UBE2QL1: variants seen among roughly 807,000 people sequenced by gnomAD.
UBE2QL1 encodes ubiquitin-conjugating enzyme E2Q-like protein 1.
In UBE2QL1, 5 loss-of-function variants were observed where a neutral mutation model predicts 12.6. The observed-to-expected ratio is 0.40, with a 90% CI of 0.21 to 0.83. UBE2QL1 has a LOEUF of 0.83. UBE2QL1 is among the 40% of genes least tolerant of loss of function. The probability of loss-of-function intolerance (pLI) is 0.37; values close to 1 mark genes in which losing one functional copy is unlikely to be tolerated. For synonymous variants in UBE2QL1, 96 were observed against 94.5 expected (o/e 1.02, Z -0.10); for missense variants, 99 against 222.6 (o/e 0.44, Z 3.53).
intron 1 of UBE2QL1, among the ~76,000 whole-genome samples, chr5:6,480,400 C>T (rs1734335204): frequency 6.6e-6 from 1 of 152,218 alleles, no homozygotes; most frequent in South Asian, 2.1e-4. Context: ...GCTCAGACAG[C>T]CCTCGACACA....
intron 1 of UBE2QL1, among the ~76,000 whole-genome samples, chr5:6,455,784 A>C (rs1739507825): frequency 6.6e-6 from 1 of 151,836 alleles, no homozygotes; most frequent in Non-Finnish European, 1.5e-5. Flanking sequence ...CACAGCCCAG[A>C]GCTTCAGAAG....
chr5:6,492,359 C>G lies in UBE2QL1; in HGVS notation c.*1010C>G, dbSNP rs1734591080. ...TCGGGTCTATTTCACCCAATAGTCA[C>G]TTGTGTGTCCCCCGAAATTGGGATG... On this transcript the variant is annotated 3_prime_UTR_variant, in exon 2 of 2. Coordinates refer to ENST00000399816, the MANE Select transcript of UBE2QL1 (RefSeq NM_001145161.3). The G allele has an allele frequency of 1.3e-5, 2 of 152,226 alleles. No homozygotes were observed. The highest frequency in any genetic ancestry group is 4.8e-5 in the African/African-American group (2 of 41,448). The allele number at this position is 152,226 out of a possible 1,614,324, so 9.4% of individuals were successfully genotyped here.
At chr5:6,473,812 C>T (rs1437616058) in intron 1 of UBE2QL1, among the ~76,000 whole-genome samples, 2 of 152,110 alleles carry the variant, frequency 1.3e-5, no homozygotes, top group Admixed American at 6.5e-5. Flanking sequence ...TACCACAAGC[C>T]AATGTAAATA....
In UBE2QL1 at chr5:6,481,544, C is replaced by T. The variant is rs141232578; in HGVS notation, c.355-9674C>T. ...TGGTGTGAGCTCCCACCACTATACCCAGCAGCCTCCTGCCTGGATTTCTGT... is the reference window on the plus strand; with the variant it reads ...TGGTGTGAGCTCCCACCACTATACCTAGCAGCCTCCTGCCTGGATTTCTGT... On this transcript the variant is annotated intron_variant, in intron 1 of 1. Transcript: ENST00000399816. This position sits in a 1 kb window ranked among gnomAD's most constrained non-coding sequence, Gnocchi z 4.5. Among the ~76,000 whole-genome samples, 446 of 152,320 alleles carry T rather than the reference C, an allele frequency of 2.9e-3. 8 individuals are homozygous for T. The highest frequency in any genetic ancestry group is 2.3e-3 in the East Asian group (12 of 5,180).
At chr5:6,490,107 C>T (rs1734540890) in intron 1 of UBE2QL1, among the ~76,000 whole-genome samples, 1 of 152,202 alleles carries the variant, frequency 6.6e-6, no homozygotes. Context: ...AGGAGCAGAT[C>T]TTCCAGGAGA....
rs550599378 is a variant in UBE2QL1, at chr5:6,456,114, T to C, written c.354+6867T>C. Among the ~76,000 whole-genome samples the C allele has an allele frequency of 6.6e-5, 10 of 152,224 alleles. No homozygotes were observed. In the South Asian group the frequency reaches 1.5e-3, roughly 22 times the overall value. On this transcript the variant is annotated intron_variant, in intron 1 of 1. Transcript: ENST00000399816. The stretch of plus-strand genomic sequence containing the variant: ...TCATGCAGGAACTTCCTAGGCATCA[T>C]TGGGGGATCAGATACACATCAAGTG...
chr5:6,495,551 C>A lies in UBE2QL1; in HGVS notation c.*4202C>A, dbSNP rs1056450591. Among the ~76,000 whole-genome samples, 6 of 152,266 alleles carry A rather than the reference C, an allele frequency of 3.9e-5. No individual in the cohort carries two copies. The Middle Eastern group carries it at 0.01, about 259-fold the overall frequency. ...TATGTTGCTTCATGAGACTATTAGG[C>A]AATTCATGTGGCCCTCACCAAACAC... On this transcript the variant is annotated 3_prime_UTR_variant, in exon 2 of 2. Coordinates refer to ENST00000399816, the MANE Select transcript of UBE2QL1 (RefSeq NM_001145161.3).
chr5:6,496,038 A>G lies in UBE2QL1; in HGVS notation c.*4689A>G, dbSNP rs1054076329. 2.6e-5 allele frequency among the ~76,000 whole-genome samples: 4 copies of G among 152,194 alleles called. No individual in the cohort carries two copies. Among genetic ancestry groups the G allele is most frequent in the African/African-American group, 9.7e-5 (4 of 41,442 alleles). ...CTGGCCAAACAGCAACAATCAAAGC[A>G]GAGGGGAGCAAGATTTTCTTTCAAG... On this transcript the variant is annotated 3_prime_UTR_variant, in exon 2 of 2. Transcript: ENST00000399816.
Position 6,489,091 on chromosome 5 carries a change from C to T in UBE2QL1, c.355-2127C>T, listed in dbSNP as rs79003407. Among the ~76,000 whole-genome samples the T allele has an allele frequency of 4.7e-3, 712 of 152,244 alleles. 8 individuals carry two copies. The highest frequency in any genetic ancestry group is 0.016 in the African/African-American group (684 of 41,524). Reference sequence around the variant, plus strand: ...TCCTGTCATCTTTTCCTCCGATCTTCCTTCATCCTTTTAGCAACTCTTCCT... The same window carrying T: ...TCCTGTCATCTTTTCCTCCGATCTTTCTTCATCCTTTTAGCAACTCTTCCT... On this transcript the variant is annotated intron_variant, in intron 1 of 1. Coordinates refer to ENST00000399816, the MANE Select transcript of UBE2QL1 (RefSeq NM_001145161.3).
intron 1 of UBE2QL1, among the ~76,000 whole-genome samples, chr5:6,475,876 C>G (rs2126357871): frequency 1.3e-5 from 2 of 152,314 alleles, no homozygotes; most frequent in South Asian, 4.1e-4. Flanking sequence ...GCTGGAGAAC[C>G]AGCTAGAGCA....
chr5:6,464,598 AAGG>A (rs1457302121), intron 1 of UBE2QL1, among the ~76,000 whole-genome samples: 1 of 152,216 alleles, frequency 6.6e-6, no homozygotes, highest in African/African-American at 2.4e-5. Context: ...AAGAAAAAAC[AAGG>A]AGATGACTTA....
intron 1 of UBE2QL1, among the ~76,000 whole-genome samples, chr5:6,483,913 T>C (rs1181633593): frequency 1.3e-5 from 2 of 152,178 alleles, no homozygotes. Context: ...GTGAAGCCAC[T>C]TCTCTGGTCG....
intron 1 of UBE2QL1, among the ~76,000 whole-genome samples, chr5:6,472,947 A>G (rs1006435291): frequency 6.6e-6 from 1 of 152,204 alleles, no homozygotes; most frequent in African/African-American, 2.4e-5. Flanking sequence ...GCTGCCAGGT[A>G]GACACCCAGC....
At chr5:6,490,989 C>T (rs775056452) in intron 1 of UBE2QL1, among the ~76,000 whole-genome samples, 1 of 152,020 alleles carries the variant, frequency 6.6e-6, no homozygotes, top group Non-Finnish European at 1.5e-5. Flanking sequence ...AAGACAGCAC[C>T]CCCCTCCCCT....
rs1332023702 is a variant in UBE2QL1, at chr5:6,449,255, G to A, written c.354+8G>A. On this transcript the variant is annotated splice_region_variant and intron_variant, in intron 1 of 1. Coordinates refer to ENST00000399816, the MANE Select transcript of UBE2QL1 (RefSeq NM_001145161.3). ...AGCCTGGTCAAGGGCCAGGTAAGGC[G>A]AGCGCGCCGGGGCTGGGGGCGCGGG... is the stretch of plus-strand genomic sequence containing the variant. 3 of 1,386,522 alleles carry A rather than the reference G, an allele frequency of 2.2e-6. No individual in the cohort carries two copies. The highest frequency in any genetic ancestry group is 2.8e-6 in the Non-Finnish European group (3 of 1,070,092). The allele number at this position is 1,386,522 out of a possible 1,614,324, so 85.9% of individuals were successfully genotyped here. A position where few individuals can be genotyped will look rare whatever the true frequency, so the allele number is the denominator to read the frequency against.
At chr5:6,465,955 C>G (rs1350880826) in intron 1 of UBE2QL1, among the ~76,000 whole-genome samples, 2 of 152,180 alleles carry the variant, frequency 1.3e-5, no homozygotes, top group Non-Finnish European at 1.5e-5. Flanking sequence ...CCGACACCAG[C>G]CTGTCTCCCT....
intron 1 of UBE2QL1, among the ~76,000 whole-genome samples, chr5:6,450,098 C>CCA (rs1016052083): frequency 4.2e-5 from 6 of 144,424 alleles, no homozygotes; most frequent in African/African-American, 1.5e-4. Flanking sequence ...CCCCCCCCCC[C>CCA]ACGGCAATGC....
At chr5:6,488,278 T>A (rs1298334094) in intron 1 of UBE2QL1, among the ~76,000 whole-genome samples, 1 of 152,148 alleles carries the variant, frequency 6.6e-6, no homozygotes, top group Non-Finnish European at 1.5e-5. Context: ...TTGTAACAAT[T>A]GAGACTTTCA....
chr5:6,464,337 T>C (rs949728311), intron 1 of UBE2QL1, among the ~76,000 whole-genome samples: 1 of 152,174 alleles, frequency 6.6e-6, no homozygotes. Flanking sequence ...TACAATCCCA[T>C]ATCAAAAAAC....
Sources: gnomAD v4.1 joint callset for allele counts (sites outside exome capture counted in the v4.1 genomes callset) on GRCh38, gnomAD v4.1.1 for gene constraint, Gnocchi (gnomAD v3.1) non-coding constraint, MANE v1.5 for transcripts, NCBI Gene and HGNC (gene_info 2026-07-23, HGNC 2026-07-21) for gene names.